Variants in NRXN1 observed in about 807,000 individuals in gnomAD.
NRXN1 encodes the protein neurexin 1.
In NRXN1, 39 loss-of-function variants were observed where a neutral mutation model predicts 150.9. The observed-to-expected ratio is 0.26, with a 90% CI of 0.20 to 0.34. NRXN1 has a LOEUF of 0.34. Ranked by LOEUF, NRXN1 falls within the 10% of genes least tolerant of loss-of-function variation. The probability of loss-of-function intolerance (pLI) is 1.00; values close to 1 mark genes in which losing one functional copy is unlikely to be tolerated. For synonymous variants in NRXN1, 924 were observed against 757.0 expected (o/e 1.22, Z -3.62); for missense variants, 1,815 against 1,949.9 (o/e 0.93, Z 1.30).
intron 17 of NRXN1, chr2:50,417,226 T>C (rs1388752551): frequency 4.6e-5 from 7 of 152,150 alleles, no homozygotes; most frequent in South Asian, 2.1e-4. Context: ...CTCCACAAGA[T>C]TGAGAAAAGG....
intron 2 of NRXN1, among the ~76,000 whole-genome samples, chr2:50,963,721 T>A (rs1320791258): frequency 6.6e-6 from 1 of 151,634 alleles, no homozygotes; most frequent in Non-Finnish European, 1.5e-5. Context: ...AGTGACTAAC[T>A]GATAGTGGTG....
intron 15 of NRXN1, among the ~76,000 whole-genome samples, chr2:50,490,148 CT>C (rs1198511384): frequency 2.0e-5 from 3 of 152,156 alleles, no homozygotes; most frequent in African/African-American, 7.2e-5. Flanking sequence ...AACTTATTGT[CT>C]TTGTTCTGTA....
intron 5 of NRXN1, among the ~76,000 whole-genome samples, chr2:50,686,383 C>G (rs1691238706): frequency 6.6e-6 from 1 of 152,092 alleles, no homozygotes. Context: ...ACTCCTGAGT[C>G]TTTCTAAAAG....
At chr2:50,144,517 C>T (rs1208141625) in intron 18 of NRXN1, among the ~76,000 whole-genome samples, 1 of 151,416 alleles carries the variant, frequency 6.6e-6, no homozygotes. Context: ...ACTCAATCTC[C>T]TAAAAAATCA....
intron 5 of NRXN1, among the ~76,000 whole-genome samples, chr2:50,694,158 C>T (rs922506913): frequency 6.6e-6 from 1 of 152,046 alleles, no homozygotes; most frequent in African/African-American, 2.4e-5. Flanking sequence ...TGTTTAATGG[C>T]ATTTTAAAAT....
At chr2:50,279,171 CT>C (rs2071070383) in intron 17 of NRXN1, among the ~76,000 whole-genome samples, 1 of 152,102 alleles carries the variant, frequency 6.6e-6, no homozygotes, top group Non-Finnish European at 1.5e-5. Context: ...CTACTTGTAC[CT>C]TTTCCACCAA....
intron 21 of NRXN1, among the ~76,000 whole-genome samples, chr2:50,038,119 C>T (rs765679385): frequency 1.3e-5 from 2 of 152,072 alleles, no homozygotes; most frequent in Non-Finnish European, 2.9e-5. Flanking sequence ...ACAGTGAGAG[C>T]GAATCTGTAG....
At chr2:50,869,516 C>A (rs1357528650) in intron 5 of NRXN1, among the ~76,000 whole-genome samples, 2 of 150,778 alleles carry the variant, frequency 1.3e-5, no homozygotes, top group Admixed American at 6.6e-5. Flanking sequence ...ATGGAAAAAA[C>A]CACATAGAAG....
intron 3 of NRXN1, chr2:50,923,336 A>G (rs956600307): frequency 8.1e-6 from 2 of 246,138 alleles, no homozygotes; most frequent in Admixed American, 8.7e-5. Flanking sequence ...CTGCAAATAC[A>G]CTAAAGCAAT....
At chr2:49,945,911 G>T (rs568793149) in intron 21 of NRXN1, among the ~76,000 whole-genome samples, 1 of 152,208 alleles carries the variant, frequency 6.6e-6, no homozygotes, top group East Asian at 1.9e-4. Flanking sequence ...CCAGTAATGG[G>T]ATTGCTGGGT....
At chr2:50,471,449 G>T (rs995190201) in intron 16 of NRXN1, among the ~76,000 whole-genome samples, 1 of 151,730 alleles carries the variant, frequency 6.6e-6, no homozygotes, top group African/African-American at 2.4e-5. Context: ...TTCTTTCTAT[G>T]GCTAAGTAGT....
intron 21 of NRXN1, among the ~76,000 whole-genome samples, chr2:50,017,965 A>C (rs1415833110): frequency 6.6e-6 from 1 of 152,138 alleles, no homozygotes; most frequent in Non-Finnish European, 1.5e-5. Flanking sequence ...AAATATCTGA[A>C]TCAGGATGCT....
intron 5 of NRXN1, among the ~76,000 whole-genome samples, chr2:50,687,937 C>A (rs764587383): frequency 7.2e-5 from 11 of 152,156 alleles, no homozygotes; most frequent in Non-Finnish European, 1.2e-4. Context: ...TCTCTCTGAT[C>A]ACCAGATATC....
intron 18 of NRXN1, among the ~76,000 whole-genome samples, chr2:50,100,186 T>A (rs1700804429): frequency 6.6e-6 from 1 of 152,144 alleles, no homozygotes; most frequent in African/African-American, 2.4e-5. Flanking sequence ...GGTTGAAGTA[T>A]CAGTAATCTG....
intron 21 of NRXN1, among the ~76,000 whole-genome samples, chr2:50,046,843 T>A (rs972627843): frequency 2.4e-4 from 37 of 152,134 alleles, no homozygotes; most frequent in African/African-American, 7.2e-5. Flanking sequence ...CATCATCTGA[T>A]CATGTTAGGT....
chr2:50,527,432 A>C (rs1247449206), intron 12 of NRXN1, among the ~76,000 whole-genome samples: 1 of 152,166 alleles, frequency 6.6e-6, no homozygotes, highest in Non-Finnish European at 1.5e-5. Context: ...GGTTATTTTC[A>C]GGAACTATTT....
intron 21 of NRXN1, among the ~76,000 whole-genome samples, chr2:50,032,166 TCTAAATATAC>T (rs1689270049): frequency 6.6e-6 from 1 of 152,102 alleles, no homozygotes; most frequent in African/African-American, 2.4e-5. Flanking sequence ...AGAATATGAT[TCTAAATATAC>T]TGAAAGTCTG....
intron 21 of NRXN1, among the ~76,000 whole-genome samples, chr2:50,052,582 G>A (rs910681752): frequency 1.3e-5 from 2 of 151,980 alleles, no homozygotes; most frequent in African/African-American, 4.8e-5. Context: ...TCCAAGTTGT[G>A]CAAATGCCAC....
Position 50,101,625 on chromosome 2 carries a change from C to T in NRXN1, c.3547-10131G>A, listed in dbSNP as rs993454125. ...TTATAGGTAAAACAAAATGAACCTTCGTATTTTAGAAAATCCTTAAAAGAC... is the reference window on the plus strand; with the variant it reads ...TTATAGGTAAAACAAAATGAACCTTTGTATTTTAGAAAATCCTTAAAAGAC... On this transcript the variant is annotated intron_variant, in intron 18 of 22. Transcript: ENST00000401669. 8.6e-5 allele frequency among the ~76,000 whole-genome samples: 13 copies of T among 151,950 alleles called. 1 individual carries two copies. The highest frequency in any genetic ancestry group is 2.0e-4 in the Admixed American group (3 of 15,242).
Sources: gnomAD v4.1 joint callset for allele counts (sites outside exome capture counted in the v4.1 genomes callset) on GRCh38, gnomAD v4.1.1 for gene constraint, MANE v1.5 for transcripts, NCBI Gene and HGNC (gene_info 2026-07-23, HGNC 2026-07-21) for gene names.